The following SH3BGRL2 variants were observed in gnomAD, a reference collection of about 807,000 sequenced individuals.
The protein encoded by SH3BGRL2 is SH3 domain-binding glutamic acid-rich-like protein 2.
Under a neutral mutation model 14.8 loss-of-function variants are expected in SH3BGRL2, and 21 were observed. The observed-to-expected ratio is 1.42, with a 90% CI of 1.01 to 2.05. The LOEUF is 2.05. Among genes scored for constraint, SH3BGRL2 ranks in the 30% most tolerant of loss-of-function variants. The pLI is 0.00. For synonymous variants in SH3BGRL2, 50 were observed against 47.8 expected, an observed-to-expected ratio of 1.05 and a Z score of -0.19; for missense variants, 147 against 130.8, an observed-to-expected ratio of 1.12 and a Z score of -0.61.
Position 79,696,562 on chromosome 6 carries a change from A to G in SH3BGRL2, c.309A>G (p.Ser103=). The change falls in exon 3 of 4, where the codon TCA becomes TCG. Residue 103 remains serine, a synonymous_variant. Coordinates refer to ENST00000369838, the MANE Select transcript of SH3BGRL2 (RefSeq NM_031469.4). The part of the protein sequence containing the change: ...SFLGLKPRLA[S]KAEP The stretch of plus-strand genomic sequence containing the variant: ...TAGGCCTGAAACCACGGTTGGCATC[A>G]AAGGTAGGTAAATCTTTTCTTATTC... 2 of 1,557,188 alleles carry G rather than the reference A, an allele frequency of 1.3e-6. No homozygotes were observed. Among genetic ancestry groups the G allele is most frequent in the Non-Finnish European group, 8.6e-7 (1 of 1,159,804 alleles).
At chr6:79,631,707 A>G (rs1229114768) in intron 1 of SH3BGRL2, among the ~76,000 whole-genome samples, 4 of 152,172 alleles carry the variant, frequency 2.6e-5, no homozygotes. Flanking sequence ...GCCTCACCCA[A>G]ATGCCCACCC....
intron 1 of SH3BGRL2, among the ~76,000 whole-genome samples, chr6:79,636,222 A>T (rs1261298246): frequency 6.6e-6 from 1 of 152,182 alleles, no homozygotes; most frequent in Non-Finnish European, 1.5e-5. Flanking sequence ...CTTTAGTCAA[A>T]CCCTGGTGGG....
At chr6:79,648,324 TTA>T (rs1491247175) in intron 1 of SH3BGRL2, among the ~76,000 whole-genome samples, 2 of 137,920 alleles carry the variant, frequency 1.5e-5, no homozygotes, top group South Asian at 4.5e-4. Context: ...AATATTTGAC[TTA>T]TATATATTAT....
At chr6:79,602,975 A>G in the SH3BGRL2 span, among the ~76,000 whole-genome samples, 1 of 152,146 alleles carries the variant, frequency 6.6e-6, no homozygotes, top group Non-Finnish European at 1.5e-5. Context: ...AGGAGGAAAA[A>G]TGGGAGAGGG....
the SH3BGRL2 span, among the ~76,000 whole-genome samples, chr6:79,615,057 C>T: frequency 6.6e-6 from 1 of 151,996 alleles, no homozygotes; most frequent in Non-Finnish European, 1.5e-5. Flanking sequence ...ACTGATAAGG[C>T]ACTAAGCAGA....
the SH3BGRL2 span, among the ~76,000 whole-genome samples, chr6:79,553,656 A>G: frequency 6.8e-6 from 1 of 147,040 alleles, no homozygotes; most frequent in Non-Finnish European, 1.5e-5. Flanking sequence ...TATCTCTGAT[A>G]ATGTACAGTT....
At chr6:79,639,438 A>T (rs185448067) in intron 1 of SH3BGRL2, among the ~76,000 whole-genome samples, 20 of 152,166 alleles carry the variant, frequency 1.3e-4, no homozygotes, top group Admixed American at 8.5e-4. Flanking sequence ...AAAATATAAA[A>T]ATTAGCGGGG....
At chr6:79,588,369 G>A in the SH3BGRL2 span, among the ~76,000 whole-genome samples, 14 of 151,540 alleles carry the variant, frequency 9.2e-5, no homozygotes, top group Non-Finnish European at 1.3e-4. Flanking sequence ...ACTAATGGAA[G>A]AGAAGGGTTA....
chr6:79,637,040 T>C (rs1257969695), intron 1 of SH3BGRL2, among the ~76,000 whole-genome samples: 5 of 151,898 alleles, frequency 3.3e-5, no homozygotes, highest in Non-Finnish European at 7.4e-5. Context: ...ATTTATGGAG[T>C]TTTTCTCATT....
At chr6:79,628,429 T>A (rs1027753929), upstream of SH3BGRL2, among the ~76,000 whole-genome samples, 3 of 152,106 alleles carry the variant, frequency 2.0e-5, no homozygotes, top group Admixed American at 6.5e-5. Flanking sequence ...GGGGATAAAG[T>A]CCTAGGCAAC....
In SH3BGRL2 at chr6:79,631,459, A is replaced by G. The variant is rs1331851386; in HGVS notation, c.-3A>G. On this transcript the variant is annotated 5_prime_UTR_variant, in exon 1 of 4. Coordinates refer to ENST00000369838, the MANE Select transcript of SH3BGRL2 (RefSeq NM_031469.4). Reference sequence around the variant, plus strand: ...AGGGGTCTGTCCCGGGCGCAGCGAGAGGATGGTCATCCGCGTGTTCATCGC... The same window carrying G: ...AGGGGTCTGTCCCGGGCGCAGCGAGGGGATGGTCATCCGCGTGTTCATCGC... The G allele has an allele frequency of 4.6e-6, 7 of 1,516,710 alleles. No homozygotes were observed. The highest frequency in any genetic ancestry group is 4.2e-5 in the Admixed American group (2 of 47,612). 94.0% of individuals were successfully genotyped at this position (1,516,710 alleles called of 1,614,324 possible). A position where few individuals can be genotyped will look rare whatever the true frequency, so the allele number is the denominator to read the frequency against.
the SH3BGRL2 span, among the ~76,000 whole-genome samples, chr6:79,593,749 T>A: frequency 6.6e-6 from 1 of 152,198 alleles, no homozygotes; most frequent in Non-Finnish European, 1.5e-5. Context: ...TGCCAATGTA[T>A]ATTGCCCAAG....
At chr6:79,696,717 G>A (rs1210666811) in intron 3 of SH3BGRL2, 152 bp downstream of exon 3, 3 of 525,032 alleles carry the variant, frequency 5.7e-6, no homozygotes, top group Non-Finnish European at 9.7e-6. Context: ...ACTACCCAGT[G>A]TTAAAACATA....
Position 79,699,588 on chromosome 6 carries a change from C to A in SH3BGRL2, c.*79C>A. On this transcript the variant is annotated 3_prime_UTR_variant, in exon 4 of 4. Transcript: ENST00000369838. ...GCACACACATGCTTACCTAATGCAT[C>A]ACTGTGACAAAAGCCACACGCATTA... 7.3e-7 allele frequency: 1 copy of A among 1,363,954 alleles called. No individual in the cohort carries two copies. The allele number at this position is 1,363,954 out of a possible 1,614,324, so 84.5% of individuals were successfully genotyped here.
At chr6:79,673,034 G>A (rs532415548) in intron 1 of SH3BGRL2, among the ~76,000 whole-genome samples, 2 of 152,178 alleles carry the variant, frequency 1.3e-5, no homozygotes, top group South Asian at 2.1e-4. Context: ...AAATGTTGCT[G>A]CTGTCATGAA....
chr6:79,674,154 T>G (rs1223170343), intron 2 of SH3BGRL2, among the ~76,000 whole-genome samples: 1 of 152,152 alleles, frequency 6.6e-6, no homozygotes, highest in Non-Finnish European at 1.5e-5. Flanking sequence ...AATAATCATT[T>G]TAATTATTAA....
At chr6:79,576,179 C>T in the SH3BGRL2 span, among the ~76,000 whole-genome samples, 55 of 152,046 alleles carry the variant, frequency 3.6e-4, no homozygotes, top group Non-Finnish European at 6.5e-4. Flanking sequence ...TTAAAACTTC[C>T]TGAATTCAAT....
chr6:79,597,317 G>GAAA, the SH3BGRL2 span, among the ~76,000 whole-genome samples: 1 of 144,612 alleles, frequency 6.9e-6, no homozygotes, highest in Non-Finnish European at 1.5e-5. Flanking sequence ...AAGAAAGAAA[G>GAAA]AGAAAAGAAA....
chr6:79,558,788 A>G, the SH3BGRL2 span, among the ~76,000 whole-genome samples: 1 of 152,170 alleles, frequency 6.6e-6, no homozygotes, highest in Non-Finnish European at 1.5e-5. Flanking sequence ...CTCTGATGCC[A>G]TTCCCCACAG....
Sources: gnomAD v4.1 joint callset for allele counts (sites outside exome capture counted in the v4.1 genomes callset) on GRCh38, gnomAD v4.1.1 for gene constraint, MANE v1.5 for transcripts, NCBI Gene and HGNC (gene_info 2026-07-23, HGNC 2026-07-21) for gene names.